RNF17: variants seen among roughly 807,000 people sequenced by gnomAD.
RNF17 encodes spermatogenesis associated 23.
In RNF17, 31 loss-of-function variants were observed where a neutral mutation model predicts 200.5. That is an observed-to-expected ratio of 0.15 (90% CI 0.12 to 0.21). The LOEUF (loss-of-function observed/expected upper bound fraction) is 0.21. Ranked by LOEUF, RNF17 falls within the 10% of genes least tolerant of loss-of-function variation. The pLI is 1.00. For synonymous variants in RNF17, 606 were observed against 637.8 expected (o/e 0.95, Z 0.75); for missense variants, 1,628 against 1,905.1 (o/e 0.85, Z 2.71).
chr13:24,789,443 A>T lies in RNF17; in HGVS notation c.860+19A>T. The T allele has an allele frequency of 6.7e-7, 1 of 1,487,786 alleles. No individual in the cohort carries two copies. Among genetic ancestry groups the T allele is most frequent in the South Asian group, 1.2e-5 (1 of 86,356 alleles). The allele number at this position is 1,487,786 out of a possible 1,614,324, so 92.2% of individuals were successfully genotyped here. On this transcript the variant is annotated intron_variant, in intron 8 of 35. Coordinates refer to ENST00000255324, the MANE Select transcript of RNF17 (RefSeq NM_031277.3). ...CTCCCAGGTAAGTAAGTCATAGTTCAGGAGACCATAACAAGTATAAAGATG... is the reference window on the plus strand; with the variant it reads ...CTCCCAGGTAAGTAAGTCATAGTTCTGGAGACCATAACAAGTATAAAGATG...
At chr13:24,881,589 T>G (rs1953817994), downstream of RNF17, among the ~76,000 whole-genome samples, 1 of 151,728 alleles carries the variant, frequency 6.6e-6, no homozygotes, top group South Asian at 2.1e-4. Flanking sequence ...GGTAAGGATA[T>G]ATAGATATAT....
downstream of RNF17, chr13:24,883,942 G>A (rs2275941): frequency 3.7e-6 from 6 of 1,613,986 alleles, no homozygotes; most frequent in Non-Finnish European, 3.4e-6. Context: ...TGGTTTTTCT[G>A]TGAACATAAT....
chr13:24,762,214 CA>C (rs1878808239), upstream of RNF17, among the ~76,000 whole-genome samples: 4 of 151,512 alleles, frequency 2.6e-5, no homozygotes. Context: ...TACTAAAATA[CA>C]AAAAATCAGC....
chr13:24,867,221 T>C (rs1893725734), intron 30 of RNF17, among the ~76,000 whole-genome samples: 1 of 152,198 alleles, frequency 6.6e-6, no homozygotes. Context: ...TTTGAGAGTG[T>C]CTCGCTATAT....
chr13:24,819,147 C>A (rs888412349), intron 15 of RNF17, among the ~76,000 whole-genome samples: 2 of 152,112 alleles, frequency 1.3e-5, no homozygotes, highest in African/African-American at 4.8e-5. Flanking sequence ...ACATTTTCAT[C>A]TTGCAAACTG....
chr13:24,883,482 C>T, downstream of RNF17: 1 of 783,902 alleles, frequency 1.3e-6, no homozygotes, highest in African/African-American at 1.8e-5. Context: ...CTGGAGACAT[C>T]CCTTGGTTAT....
intron 1 of RNF17, among the ~76,000 whole-genome samples, chr13:24,764,890 TGTG>T (rs1760108973): frequency 1.1e-4 from 1 of 8,706 alleles, no homozygotes; most frequent in Non-Finnish European, 3.4e-4. Context: ...CCTTGTGGGG[TGTG>T]TGTGTGTGTG....
chr13:24,868,762 T>G lies in RNF17; in HGVS notation c.4278+46T>G, dbSNP rs747173926. On this transcript the variant is annotated intron_variant, in intron 31 of 35. Coordinates refer to ENST00000255324, the MANE Select transcript of RNF17 (RefSeq NM_031277.3). ...GTTGGTGATTAAAAATGTAACAAGCTGTCTTGGTCTTAAACACTATAAGTG... is the reference window on the plus strand; with the variant it reads ...GTTGGTGATTAAAAATGTAACAAGCGGTCTTGGTCTTAAACACTATAAGTG... The G allele has an allele frequency of 7.7e-6, 8 of 1,035,710 alleles. No homozygotes were observed. The South Asian group carries it at 1.0e-4, about 13-fold the overall frequency. The allele number at this position is 1,035,710 out of a possible 1,614,324, so 64.2% of individuals were successfully genotyped here. A position where few individuals can be genotyped will look rare whatever the true frequency, so the allele number is the denominator to read the frequency against.
downstream of RNF17, chr13:24,884,599 G>T: frequency 1.2e-6 from 1 of 839,020 alleles, no homozygotes; most frequent in Non-Finnish European, 2.0e-6. Flanking sequence ...TTTATTTCGT[G>T]AGGAGTAGCA....
chr13:24,826,072 C>T lies in RNF17; in HGVS notation c.2245+300C>T, dbSNP rs192859362. ...CTCTAGTTTGATGTTGACTGTTTGT[C>T]TGTCCCATGCTATTTTGATTGTCAA... is the stretch of plus-strand genomic sequence containing the variant. On this transcript the variant is annotated intron_variant, in intron 16 of 35. Transcript: ENST00000255324. The T allele has an allele frequency of 2.3e-5, 23 of 985,070 alleles. No individual in the cohort carries two copies. In the East Asian group the frequency reaches 1.4e-3, roughly 58 times the overall value. 61.0% of individuals were successfully genotyped at this position (985,070 alleles called of 1,614,324 possible). A position where few individuals can be genotyped will look rare whatever the true frequency, so the allele number is the denominator to read the frequency against.
chr13:24,792,699 T>G (rs1398158010), intron 9 of RNF17, among the ~76,000 whole-genome samples: 3 of 152,200 alleles, frequency 2.0e-5, no homozygotes, highest in African/African-American at 7.2e-5. Context: ...CCAGTTGGCT[T>G]TGTTGATCGT....
In RNF17 at chr13:24,866,203, G is replaced by T. The variant is rs955871851; in HGVS notation, c.4161G>T (p.Glu1387Asp). The change falls in exon 30 of 36, where the codon GAG becomes GAT. Residue 1387 changes from glutamate (E) to aspartate (D), a missense_variant and splice_region_variant. This residue lies in a region of RNF17 where 609 missense variants were observed against 681.9 expected (regional missense o/e 0.89). Transcript: ENST00000255324. ...YEEEQWEIRF[E>D]ELLSAETDTP... ...AGGAACAATGGGAAATAAGGTTTGA[G>T]GTAAGTAACAATCCAAGTATTTTGG... The T allele has an allele frequency of 6.5e-7, 1 of 1,530,286 alleles. No homozygotes were observed. The allele number at this position is 1,530,286 out of a possible 1,614,324, so 94.8% of individuals were successfully genotyped here. A position where few individuals can be genotyped will look rare whatever the true frequency, so the allele number is the denominator to read the frequency against.
At chr13:24,830,334 A>G in intron 16 of RNF17, 150 bp from the exon 17 acceptor site, 2 of 531,272 alleles carry the variant, frequency 3.8e-6, no homozygotes, top group South Asian at 5.6e-5. Context: ...CGGGGTTCAC[A>G]TATTTGAAAT....
intron 28 of RNF17, among the ~76,000 whole-genome samples, chr13:24,863,311 C>T (rs181795728): frequency 3.1e-4 from 47 of 152,132 alleles, no homozygotes; most frequent in African/African-American, 1.1e-3. Context: ...TTGAGGTAGC[C>T]CTTGTAATGT....
Position 24,808,512 on chromosome 13 carries a change from T to C in RNF17, c.2091+4083T>C, listed in dbSNP as rs1186086281. On this transcript the variant is annotated intron_variant, in intron 15 of 35. Coordinates refer to ENST00000255324, the MANE Select transcript of RNF17 (RefSeq NM_031277.3). The stretch of plus-strand genomic sequence containing the variant: ...TTGATTTTGTATCCTGAGACTTTGC[T>C]GAAGTTGCATATCAGCTTAAGGAGA... Among the ~76,000 whole-genome samples the C allele has an allele frequency of 3.3e-4, 31 of 94,754 alleles. No individual in the cohort carries two copies. The East Asian group carries it at 9.0e-3, about 28-fold the overall frequency. 62.2% of individuals were successfully genotyped at this position (94,754 alleles called of 152,430 possible). A position where few individuals can be genotyped will look rare whatever the true frequency, so the allele number is the denominator to read the frequency against.
intron 1 of RNF17, among the ~76,000 whole-genome samples, chr13:24,766,652 A>G (rs777372927): frequency 1.2e-4 from 19 of 152,236 alleles, no homozygotes; most frequent in Non-Finnish European, 2.5e-4. Context: ...AATCAGAAAG[A>G]ATGTTAGACT....
chr13:24,781,238 C>G (rs1410450789), intron 5 of RNF17, among the ~76,000 whole-genome samples: 1 of 151,622 alleles, frequency 6.6e-6, no homozygotes, highest in Non-Finnish European at 1.5e-5. Context: ...AGAAATTCAG[C>G]TACTTAAAAT....
chr13:24,824,014 C>G (rs1452011477), intron 15 of RNF17, among the ~76,000 whole-genome samples: 2 of 152,204 alleles, frequency 1.3e-5, no homozygotes, highest in African/African-American at 2.4e-5. Flanking sequence ...GGTCTGTTCC[C>G]TCTGGTTCAG....
the RNF17 span, chr13:24,750,852 A>G: frequency 6.6e-6 from 1 of 150,440 alleles, no homozygotes; most frequent in South Asian, 2.1e-4. Context: ...TATGAGCACC[A>G]TCTAGTTGCT....
Sources: gnomAD v4.1 joint callset for allele counts (sites outside exome capture counted in the v4.1 genomes callset) on GRCh38, gnomAD v4.1.1 for gene constraint, gnomAD v4.1.1 regional missense constraint, MANE v1.5 for transcripts, NCBI Gene and HGNC (gene_info 2026-07-23, HGNC 2026-07-21) for gene names.